The following SEPTIN2 variants were observed in gnomAD, a reference collection of about 807,000 sequenced individuals.
SEPTIN2 encodes the protein septin-2.
A neutral mutation model predicts 46.5 loss-of-function variants in SEPTIN2; 34 were observed. The observed-to-expected ratio is 0.73, with a 90% CI of 0.56 to 0.97. The LOEUF (loss-of-function observed/expected upper bound fraction) is 0.97. SEPTIN2 is among the 50% of genes least tolerant of loss of function. The probability of loss-of-function intolerance (pLI) is 0.00; values close to 1 mark genes in which losing one functional copy is unlikely to be tolerated. For missense variants in SEPTIN2, 347 were observed against 448.4 expected (o/e 0.77, Z 2.04); for synonymous variants, 175 against 153.4 (o/e 1.14, Z -1.04).
intron 9 of SEPTIN2, among the ~76,000 whole-genome samples, chr2:241,344,337 C>G (rs918363907): frequency 6.6e-6 from 1 of 152,140 alleles, no homozygotes; most frequent in African/African-American, 2.4e-5. Flanking sequence ...CCCTGGTTAG[C>G]TTTTTGTGTC....
chr2:241,335,374 C>G (rs750886593), intron 4 of SEPTIN2, 162 bp downstream of exon 4: 1 of 1,551,900 alleles, frequency 6.4e-7, no homozygotes, highest in Admixed American at 2.0e-5. Flanking sequence ...CACCGAGGTC[C>G]TTGGATTTGG....
At chr2:241,316,856 C>T (rs887556839) in intron 1 of SEPTIN2, 3 of 258,626 alleles carry the variant, frequency 1.2e-5, no homozygotes, top group Non-Finnish European at 2.2e-5. Flanking sequence ...CCCACCTTAA[C>T]TGCCTTCTCC....
rs1047877726 is a variant in SEPTIN2 at position 241,352,969 on chromosome 2, CT to C, written c.*1033del. Reference sequence around the variant, plus strand: ...TTGGGGTCTGTTGGTGGGCGTGCCCCTGAAGCCTGGCTTGGGTTGAAAAGTG... The same window carrying C: ...TTGGGGTCTGTTGGTGGGCGTGCCCCGAAGCCTGGCTTGGGTTGAAAAGTG... On this transcript the variant is annotated 3_prime_UTR_variant, in exon 13 of 13. Transcript: ENST00000391971. 5 of 152,246 alleles carry C rather than the reference CT, an allele frequency of 3.3e-5. No homozygotes were observed. The highest frequency in any genetic ancestry group is 1.2e-4 in the African/African-American group (5 of 41,446). The allele number at this position is 152,246 out of a possible 1,614,324, so 9.4% of individuals were successfully genotyped here.
At chr2:241,338,606 T>A (rs867113674) in intron 7 of SEPTIN2, among the ~76,000 whole-genome samples, 17 of 131,394 alleles carry the variant, frequency 1.3e-4, no homozygotes, top group Admixed American at 9.6e-4. Context: ...TATATATATT[T>A]TATATATATA....
Position 241,343,013 on chromosome 2 carries a change from C to G in SEPTIN2, c.616C>G (p.His206Asp). ...TCAGATTCTGGATGAAATTGAAGAACATAACATCAAAATCTATCACTTACC... is the reference window on the plus strand; with the variant it reads ...TCAGATTCTGGATGAAATTGAAGAAGATAACATCAAAATCTATCACTTACC... ...KKRILDEIEE[H>D]NIKIYHLPDA... The change falls in exon 8 of 13, where the codon CAT becomes GAT. Residue 206 changes from histidine to aspartate, a missense_variant. Physicochemically the swap from His to Asp is moderately conservative, Grantham distance 81. Coordinates refer to ENST00000391971, the MANE Select transcript of SEPTIN2 (RefSeq NM_004404.5). 1 of 1,605,358 alleles carries G rather than the reference C, an allele frequency of 6.2e-7. No homozygotes were observed. Among genetic ancestry groups the G allele is most frequent in the Non-Finnish European group, 8.5e-7 (1 of 1,173,110 alleles).
At chr2:241,322,737 C>G (rs977673269) in intron 1 of SEPTIN2, among the ~76,000 whole-genome samples, 20 of 152,078 alleles carry the variant, frequency 1.3e-4, no homozygotes, top group African/African-American at 4.8e-4. Flanking sequence ...CTCTCTGTAC[C>G]CCAGTGTCAA....
In SEPTIN2 at chr2:241,346,183, TCCAGGA is replaced by T; in HGVS notation, c.861_866del (p.Gln288_Glu289del). The T allele has an allele frequency of 6.2e-7, 1 of 1,613,880 alleles. No homozygotes were observed. The highest frequency in any genetic ancestry group is 8.5e-7 in the Non-Finnish European group (1 of 1,179,864). ...TCTTTCAGCACCCACATGCAGGATC[TCCAGGA>T]GGTGACCCAGGACCTTCATTATGAA... On this transcript the variant is annotated inframe_deletion, in exon 10 of 13. Coordinates refer to ENST00000391971, the MANE Select transcript of SEPTIN2 (RefSeq NM_004404.5).
chr2:241,329,755 A>G (rs1423158825), intron 3 of SEPTIN2, among the ~76,000 whole-genome samples: 3 of 152,180 alleles, frequency 2.0e-5, no homozygotes, highest in Admixed American at 1.3e-4. Context: ...CACATTCTGT[A>G]TTTGTCCTGA....
rs562034642 is a variant in SEPTIN2, at chr2:241,318,853, A to G, written c.-18+2871A>G. On this transcript the variant is annotated intron_variant, in intron 1 of 12. Coordinates refer to ENST00000391971, the MANE Select transcript of SEPTIN2 (RefSeq NM_004404.5). ...GCTGGGATTACAGGCAGGCGCCACC[A>G]CACCTGGCTAATTTTTGTATTTTTG... Among the ~76,000 whole-genome samples, 52 of 151,914 alleles carry G rather than the reference A, an allele frequency of 3.4e-4. 2 individuals are homozygous for G. The South Asian group carries it at 0.011, about 31-fold the overall frequency.
intron 10 of SEPTIN2, among the ~76,000 whole-genome samples, chr2:241,347,697 G>T (rs569087915): frequency 5.6e-4 from 86 of 152,228 alleles, no homozygotes; most frequent in African/African-American, 2.0e-3. Flanking sequence ...AAATCATTCT[G>T]TTCCCTTTTT....
At chr2:241,316,648 G>A in intron 1 of SEPTIN2, 1 of 910,486 alleles carries the variant, frequency 1.1e-6, no homozygotes. Flanking sequence ...CGTGGTCTCA[G>A]TGGAGTCCCA....
intron 1 of SEPTIN2, among the ~76,000 whole-genome samples, chr2:241,321,544 A>T (rs564829338): frequency 1.7e-4 from 25 of 150,696 alleles, no homozygotes; most frequent in African/African-American, 6.1e-4. Flanking sequence ...TTAAGCATAT[A>T]CGTTATAGCT....
chr2:241,334,577 A>G (rs1460876918), intron 3 of SEPTIN2, among the ~76,000 whole-genome samples: 1 of 152,174 alleles, frequency 6.6e-6, no homozygotes, highest in Non-Finnish European at 1.5e-5. Flanking sequence ...GATGGATTTA[A>G]AGCAGGAAGA....
intron 9 of SEPTIN2, among the ~76,000 whole-genome samples, chr2:241,344,810 ACTC>A (rs1427569722): frequency 6.6e-6 from 1 of 152,112 alleles, no homozygotes; most frequent in Non-Finnish European, 1.5e-5. Context: ...TCATGCCTGT[ACTC>A]CTGGCATTTT....
intron 2 of SEPTIN2, 102 bp downstream of exon 2, chr2:241,324,343 C>T: frequency 1.1e-6 from 1 of 906,304 alleles, no homozygotes; most frequent in Non-Finnish European, 1.8e-6. Context: ...TTTAATACAA[C>T]TGATACATTT....
intron 8 of SEPTIN2, 25 bp from the exon 9 acceptor site, chr2:241,343,727 G>A: frequency 1.2e-6 from 2 of 1,613,816 alleles, no homozygotes. Flanking sequence ...TGTGGAGCCT[G>A]TCTACTCTGT....
In SEPTIN2 at chr2:241,316,523, C is replaced by G. The variant is rs1008443748; in HGVS notation, c.-18+541C>G. The stretch of plus-strand genomic sequence containing the variant: ...AGGCCCTGTCTGCGGGTACCTTCGG[C>G]GAGGAGAGGCGACGAAGGTCTGCAC... On this transcript the variant is annotated intron_variant, in intron 1 of 12. Transcript: ENST00000391971. 6 of 1,520,580 alleles carry G rather than the reference C, an allele frequency of 3.9e-6. No individual in the cohort carries two copies. The African/African-American group carries it at 8.3e-5, about 21-fold the overall frequency. The allele number at this position is 1,520,580 out of a possible 1,614,324, so 94.2% of individuals were successfully genotyped here.
chr2:241,351,299 G>T (rs554166331), intron 12 of SEPTIN2: 4 of 152,268 alleles, frequency 2.6e-5, no homozygotes, highest in African/African-American at 9.6e-5. Flanking sequence ...TGGGAAAGGT[G>T]TTCATTGTAA....
intron 11 of SEPTIN2, among the ~76,000 whole-genome samples, chr2:241,348,908 ACTT>A (rs2060520940): frequency 6.6e-6 from 1 of 152,216 alleles, no homozygotes; most frequent in African/African-American, 2.4e-5. Flanking sequence ...AAAAGAAAAT[ACTT>A]CTTTGGTCAA....
Sources: gnomAD v4.1 joint callset for allele counts (sites outside exome capture counted in the v4.1 genomes callset) on GRCh38, gnomAD v4.1.1 for gene constraint, MANE v1.5 for transcripts, NCBI Gene and HGNC (gene_info 2026-07-23, HGNC 2026-07-21) for gene names.